The following GRAMD1B variants were observed in gnomAD, a reference collection of about 807,000 sequenced individuals.
The protein encoded by GRAMD1B is protein Aster-B.
A neutral mutation model predicts 99.7 loss-of-function variants in GRAMD1B; 37 were observed. That is an observed-to-expected ratio of 0.37 (90% CI 0.29 to 0.49). The LOEUF is 0.49. GRAMD1B is among the 20% of genes least tolerant of loss of function. GRAMD1B has a pLI of 0.98. For missense variants in GRAMD1B, 888 were observed against 1,009.2 expected, an observed-to-expected ratio of 0.88 and a Z score of 1.63; for synonymous variants, 427 against 387.6, an observed-to-expected ratio of 1.10 and a Z score of -1.19.
chr11:123,473,707 C>T (rs981522429), intron 1 of GRAMD1B, among the ~76,000 whole-genome samples: 1 of 152,196 alleles, frequency 6.6e-6, no homozygotes, highest in Non-Finnish European at 1.5e-5. Flanking sequence ...AGCTATTAAG[C>T]AGAAGTGAAC....
rs1193001020 is a variant in GRAMD1B, at chr11:123,430,976, C to G, written c.184C>G (p.Arg62Gly). The change falls in exon 1 of 20, where the codon CGG (arginine) becomes GGG (glycine). Residue 62 changes from arginine to glycine, a missense_variant. Transcript: ENST00000635736. ...QEQSLEAGLA[R>G]DLPAVLAPGK... ...GCAGAGCCTGGAGGCCGGGCTGGCC[C>G]GGGACCTGCCCGCCGTCTTGGCCCC... 2 of 702,856 alleles carry G rather than the reference C, an allele frequency of 2.8e-6. No homozygotes were observed. The highest frequency in any genetic ancestry group is 3.0e-5 in the South Asian group (2 of 67,592). 43.5% of individuals were successfully genotyped at this position (702,856 alleles called of 1,614,324 possible).
intron 1 of GRAMD1B, among the ~76,000 whole-genome samples, chr11:123,466,450 G>GAGAA (rs551394884): frequency 6.8e-4 from 103 of 150,486 alleles, no homozygotes; most frequent in East Asian, 2.1e-3. Context: ...AAGAAAGAAA[G>GAGAA]AGAAAGAAAG....
intron 19 of GRAMD1B, among the ~76,000 whole-genome samples, chr11:123,621,303 A>G (rs1218040503): frequency 1.3e-5 from 2 of 152,330 alleles, no homozygotes; most frequent in East Asian, 1.9e-4. Context: ...ATTTAAATAT[A>G]TGATGGTATG....
chr11:123,471,211 C>T (rs1334894194), intron 1 of GRAMD1B, among the ~76,000 whole-genome samples: 1 of 152,176 alleles, frequency 6.6e-6, no homozygotes, highest in Non-Finnish European at 1.5e-5. Flanking sequence ...CTCTCAGGAA[C>T]ATATAGTATT....
chr11:123,581,324 C>A (rs1431959567), intron 3 of GRAMD1B, among the ~76,000 whole-genome samples: 3 of 152,214 alleles, frequency 2.0e-5, no homozygotes, highest in Non-Finnish European at 2.9e-5. Context: ...TTCCTTCCCT[C>A]TGGCCTGGTC....
intron 1 of GRAMD1B, among the ~76,000 whole-genome samples, chr11:123,424,253 CAAAA>C (rs1029881122): frequency 5.8e-5 from 6 of 104,230 alleles, no homozygotes; most frequent in African/African-American, 7.0e-5. Flanking sequence ...CCCCCAACAC[CAAAA>C]AAAAAAAAAA....
At chr11:123,523,943 A>G (rs1484579516) in intron 2 of GRAMD1B, among the ~76,000 whole-genome samples, 5 of 152,254 alleles carry the variant, frequency 3.3e-5, no homozygotes, top group Non-Finnish European at 2.9e-5. Context: ...GGATAGATCA[A>G]TTCCACAGCC....
intron 2 of GRAMD1B, among the ~76,000 whole-genome samples, chr11:123,486,331 T>C (rs1937764518): frequency 6.6e-6 from 1 of 152,050 alleles, no homozygotes; most frequent in Non-Finnish European, 1.5e-5. Context: ...GTGGATTGCC[T>C]GAGCTCAGGA....
At chr11:123,493,421 C>T (rs531260864) in intron 2 of GRAMD1B, among the ~76,000 whole-genome samples, 1 of 152,196 alleles carries the variant, frequency 6.6e-6, no homozygotes, top group East Asian at 1.9e-4. Context: ...GAGTTTTGAG[C>T]AGGAGGTTTG....
intron 10 of GRAMD1B, 98 bp from the exon 11 acceptor site, chr11:123,606,511 G>A: frequency 9.4e-7 from 1 of 1,063,064 alleles, no homozygotes; most frequent in South Asian, 1.6e-5. Context: ...GCTGAGCTGG[G>A]AGTATGAGAG....
chr11:123,610,361 T>G lies in GRAMD1B; in HGVS notation c.1919+23T>G, dbSNP rs1230231301. On this transcript the variant is annotated intron_variant, in intron 14 of 19. Transcript: ENST00000635736. The surrounding 1 kb of genome is among the most constrained non-coding windows in gnomAD (Gnocchi z 4.1). Reference sequence around the variant, plus strand: ...CAGGTGTGGTGTGTGGAAGTCCCAGTGCGGTCAGACGGGGGTCCTTACCTT... The same window carrying G: ...CAGGTGTGGTGTGTGGAAGTCCCAGGGCGGTCAGACGGGGGTCCTTACCTT... The G allele has an allele frequency of 6.2e-7, 1 of 1,612,864 alleles. No homozygotes were observed.
intron 1 of GRAMD1B, among the ~76,000 whole-genome samples, chr11:123,392,611 T>C (rs772157303): frequency 5.9e-5 from 9 of 152,042 alleles, no homozygotes; most frequent in Non-Finnish European, 1.2e-4. Context: ...CTCTCCTCCC[T>C]TAATTTTAAG....
chr11:123,379,125 T>C (rs541459208), intron 1 of GRAMD1B, among the ~76,000 whole-genome samples: 41 of 152,252 alleles, frequency 2.7e-4, no homozygotes, highest in African/African-American at 9.6e-4. Flanking sequence ...AGTTATACCT[T>C]AGGAATGTCT....
rs1955362733 is a variant in GRAMD1B at position 123,624,124 on chromosome 11, A to T, written c.*1529A>T. ...CAGGCAGAGCTTGTGGAGATTCATG[A>T]AAGAGTCATAGCCAGTTTGGCATGC... On this transcript the variant is annotated 3_prime_UTR_variant, in exon 20 of 20. Coordinates refer to ENST00000635736, the MANE Select transcript of GRAMD1B (RefSeq NM_001387025.1). 1 of 152,184 alleles carries T rather than the reference A, an allele frequency of 6.6e-6. No homozygotes were observed. Among genetic ancestry groups the T allele is most frequent in the East Asian group, 1.9e-4 (1 of 5,190 alleles). 9.4% of individuals were successfully genotyped at this position (152,184 alleles called of 1,614,324 possible).
At position 123,515,624 on chromosome 11, in the gene GRAMD1B, T is replaced by G. The variant is rs140658918; in HGVS notation, c.452+34731T>G. ...TTGTGGAGAGATTGAAAAAAATTGG[T>G]GGACCAGCACAGAATTACCAGTTAT... On this transcript the variant is annotated intron_variant, in intron 2 of 19. Coordinates refer to ENST00000635736, the MANE Select transcript of GRAMD1B (RefSeq NM_001387025.1). Among the ~76,000 whole-genome samples, 1,034 of 152,226 alleles carry G rather than the reference T, an allele frequency of 6.8e-3. 8 individuals carry two copies. The highest frequency in any genetic ancestry group is 0.023 in the African/African-American group (942 of 41,522).
intron 1 of GRAMD1B, among the ~76,000 whole-genome samples, chr11:123,470,884 A>C (rs1950984237): frequency 6.6e-6 from 1 of 152,146 alleles, no homozygotes; most frequent in African/African-American, 2.4e-5. Flanking sequence ...TGTCCAATAA[A>C]GTTTTCTGCA....
intron 1 of GRAMD1B, among the ~76,000 whole-genome samples, chr11:123,362,013 C>G (rs966018510): frequency 9.9e-5 from 15 of 152,236 alleles, no homozygotes; most frequent in African/African-American, 3.6e-4. Flanking sequence ...GCCTCATACA[C>G]AGATCTATAA....
At chr11:123,527,701 A>C (rs1252001292) in intron 2 of GRAMD1B, among the ~76,000 whole-genome samples, 4 of 152,176 alleles carry the variant, frequency 2.6e-5, no homozygotes, top group Non-Finnish European at 4.4e-5. Flanking sequence ...GGCCTCCAAG[A>C]AAAGCCCAGG....
intron 2 of GRAMD1B, among the ~76,000 whole-genome samples, chr11:123,512,726 T>TTA: frequency 6.7e-6 from 1 of 149,514 alleles, no homozygotes; most frequent in South Asian, 2.2e-4. Context: ...TTTTTTTTTT[T>TTA]AACCTTCTCT....
Sources: allele counts gnomAD v4.1 joint callset (sites outside exome capture counted in the v4.1 genomes callset), GRCh38; gene constraint gnomAD v4.1.1; non-coding constraint Gnocchi (gnomAD v3.1); transcripts MANE v1.5; gene names NCBI Gene and HGNC (gene_info 2026-07-23, HGNC 2026-07-21).